ITPR1: variants seen among roughly 807,000 people sequenced by gnomAD.
The protein encoded by ITPR1 is inositol 1,4,5-trisphosphate-gated calcium channel ITPR1.
Under a neutral mutation model 318.4 loss-of-function variants are expected in ITPR1, and 96 were observed. The observed-to-expected ratio is 0.30, with a 90% CI of 0.26 to 0.36. ITPR1 has a LOEUF of 0.36. Among genes scored for constraint, ITPR1 ranks in the 10% least tolerant of loss-of-function variants. The pLI is 1.00. For missense variants in ITPR1, 2,440 were observed against 3,460.2 expected (o/e 0.71, Z 7.40); for synonymous variants, 1,312 against 1,289.9 (o/e 1.02, Z -0.37).
intron 26 of ITPR1, among the ~76,000 whole-genome samples, chr3:4,682,166 T>C (rs989402043): frequency 9.8e-5 from 15 of 152,360 alleles, no homozygotes; most frequent in African/African-American, 3.6e-4. Flanking sequence ...TGGTGGTCAC[T>C]GTTGGGTCTG....
chr3:4,665,726 T>C (rs770011938), intron 17 of ITPR1, among the ~76,000 whole-genome samples: 1 of 152,182 alleles, frequency 6.6e-6, no homozygotes, highest in Non-Finnish European at 1.5e-5. Context: ...TCTAAGTCAT[T>C]GTCTATAGAG....
At chr3:4,699,737 C>G (rs560232312) in intron 34 of ITPR1, 76 bp from the exon 35 acceptor site, 13 of 1,469,450 alleles carry the variant, frequency 8.8e-6, no homozygotes, top group Non-Finnish European at 1.2e-5. Context: ...AAGTAACCCA[C>G]AGGAGGGAGT....
At chr3:4,643,178 G>T (rs532331745) in intron 7 of ITPR1, among the ~76,000 whole-genome samples, 14 of 152,304 alleles carry the variant, frequency 9.2e-5, no homozygotes, top group Non-Finnish European at 1.8e-4. Context: ...GAAAAGCCCA[G>T]TAAAACTTAG....
At chr3:4,618,463 T>G (rs1028985483) in intron 4 of ITPR1, among the ~76,000 whole-genome samples, 3 of 152,250 alleles carry the variant, frequency 2.0e-5, no homozygotes, top group African/African-American at 7.2e-5. Flanking sequence ...ACTAGAGTTA[T>G]GTCCCAGTTT....
At chr3:4,566,792 G>C (rs2087331072) in intron 4 of ITPR1, among the ~76,000 whole-genome samples, 1 of 152,166 alleles carries the variant, frequency 6.6e-6, no homozygotes, top group Admixed American at 6.5e-5. Context: ...GCCACTACTA[G>C]ATATTCTGTT....
intron 42 of ITPR1, 59 bp downstream of exon 42, chr3:4,727,232 A>G: frequency 2.4e-6 from 3 of 1,242,578 alleles, no homozygotes; most frequent in South Asian, 1.4e-5. Flanking sequence ...TAACACCTCC[A>G]TCAGCCACAC....
intron 40 of ITPR1, among the ~76,000 whole-genome samples, chr3:4,717,718 A>G (rs2041874683): frequency 6.6e-6 from 1 of 152,250 alleles, no homozygotes; most frequent in Non-Finnish European, 1.5e-5. Context: ...TCTGAAAGTC[A>G]GTTTTGAAAT....
At chr3:4,717,900 A>C (rs2041887320) in intron 40 of ITPR1, among the ~76,000 whole-genome samples, 2 of 152,188 alleles carry the variant, frequency 1.3e-5, no homozygotes, top group African/African-American at 4.8e-5. Context: ...GCGCAGTGTG[A>C]ATTCCTACGT....
Position 4,836,908 on chromosome 3 carries a change from TG to T in ITPR1, c.8165del (p.Gly2722AlafsTer6). On this transcript the variant is annotated frameshift_variant, in exon 61 of 62. Transcript: ENST00000649015. LOFTEE classifies it high-confidence loss of function. ...CCATGAAACTTGTCACGAACCTTTCTGGCCAGCTGTCGGAATTAAAGGATCA... is the reference window on the plus strand; with the variant it reads ...CCATGAAACTTGTCACGAACCTTTCTGCCAGCTGTCGGAATTAAAGGATCA... ...STMKLVTNLSGQLSELKDQMT... is the reference protein window; with the variant it reads ...STMKLVTNLSXQLSELKDQMT... 1 of 1,593,376 alleles carries T rather than the reference TG, an allele frequency of 6.3e-7. No homozygotes were observed. Among genetic ancestry groups the T allele is most frequent in the Non-Finnish European group, 8.6e-7 (1 of 1,165,056 alleles).
intron 5 of ITPR1, among the ~76,000 whole-genome samples, chr3:4,631,745 A>G (rs1342451518): frequency 2.0e-5 from 3 of 152,180 alleles, no homozygotes; most frequent in Non-Finnish European, 4.4e-5. Flanking sequence ...TATTAATAGT[A>G]TTAATAAAAC....
At chr3:4,566,634 ACACACACACT>A (rs1336763168) in intron 4 of ITPR1, among the ~76,000 whole-genome samples, 1 of 145,808 alleles carries the variant, frequency 6.9e-6, no homozygotes, top group African/African-American at 2.5e-5. Flanking sequence ...ACACACACAC[ACACACACACT>A]GAAACACTCT....
At chr3:4,666,558 T>A (rs1352206033) in intron 17 of ITPR1, among the ~76,000 whole-genome samples, 1 of 152,208 alleles carries the variant, frequency 6.6e-6, no homozygotes, top group Non-Finnish European at 1.5e-5. Context: ...TGGCAGATGA[T>A]AAGTTCCTAC....
At chr3:4,804,790 C>G (rs1485200444) in intron 54 of ITPR1, among the ~76,000 whole-genome samples, 4 of 152,196 alleles carry the variant, frequency 2.6e-5, no homozygotes, top group Non-Finnish European at 5.9e-5. Flanking sequence ...CTTAGCCTGT[C>G]TGAGAAAGCC....
chr3:4,562,513 T>A (rs2086784781), intron 4 of ITPR1, among the ~76,000 whole-genome samples: 1 of 152,216 alleles, frequency 6.6e-6, no homozygotes, highest in African/African-American at 2.4e-5. Flanking sequence ...TAGGAAGGAC[T>A]ATCTGGCATG....
intron 44 of ITPR1, among the ~76,000 whole-genome samples, chr3:4,765,819 G>T (rs2045781778): frequency 6.6e-6 from 1 of 152,132 alleles, no homozygotes; most frequent in African/African-American, 2.4e-5. Context: ...TGCTTGCAGA[G>T]GGTCCAAAAA....
intron 4 of ITPR1, among the ~76,000 whole-genome samples, chr3:4,604,153 T>C (rs1044148985): frequency 1.3e-5 from 2 of 152,160 alleles, no homozygotes; most frequent in Admixed American, 1.3e-4. Flanking sequence ...GGGCTGTACA[T>C]TGGGTGAGTT....
intron 60 of ITPR1, among the ~76,000 whole-genome samples, chr3:4,836,557 G>C (rs952225785): frequency 2.0e-5 from 3 of 152,000 alleles, no homozygotes; most frequent in African/African-American, 7.3e-5. Flanking sequence ...TAAATTTAAA[G>C]TGGCTTCCTC....
intron 4 of ITPR1, among the ~76,000 whole-genome samples, chr3:4,531,321 G>A (rs1457407197): frequency 6.6e-6 from 1 of 152,214 alleles, no homozygotes; most frequent in Non-Finnish European, 1.5e-5. Flanking sequence ...GATATTGAAT[G>A]ATGACGTTTT....
chr3:4,542,160 T>C (rs1311363106), intron 4 of ITPR1, among the ~76,000 whole-genome samples: 1 of 152,236 alleles, frequency 6.6e-6, no homozygotes, highest in East Asian at 1.9e-4. Flanking sequence ...TACTTCCTGT[T>C]ACCAAAAAAG....
Sources: gnomAD v4.1 joint callset for allele counts (sites outside exome capture counted in the v4.1 genomes callset) on GRCh38, gnomAD v4.1.1 for gene constraint, MANE v1.5 for transcripts, NCBI Gene and HGNC (gene_info 2026-07-23, HGNC 2026-07-21) for gene names.